The following CLTB variants were observed in gnomAD, a reference collection of about 807,000 sequenced individuals.
The protein encoded by CLTB is clathrin light chain B, also known as clathrin, light chain (Lcb).
A neutral mutation model predicts 30.5 loss-of-function variants in CLTB; 10 were observed. The observed-to-expected ratio is 0.33, with a 90% CI of 0.20 to 0.56. The LOEUF (loss-of-function observed/expected upper bound fraction) is 0.56. CLTB is among the 20% of genes least tolerant of loss of function. The probability of loss-of-function intolerance (pLI) is 0.91; values close to 1 mark genes in which losing one functional copy is unlikely to be tolerated. For missense variants in CLTB, 261 were observed against 308.3 expected (o/e 0.85, Z 1.15); for synonymous variants, 102 against 120.3 (o/e 0.85, Z 1.00).
intron 2 of CLTB, among the ~76,000 whole-genome samples, chr5:176,404,399 C>T (rs1294984348): frequency 6.6e-6 from 1 of 152,210 alleles, no homozygotes; most frequent in African/African-American, 2.4e-5. Flanking sequence ...CTTTTTTCCA[C>T]AGCCCTTTGG....
Position 176,394,824 on chromosome 5 carries a change from A to G in CLTB, c.518+1655T>C, listed in dbSNP as rs1028848025. On this transcript the variant is annotated intron_variant, in intron 5 of 5. Coordinates refer to ENST00000310418, the MANE Select transcript of CLTB (RefSeq NM_007097.5). The stretch of plus-strand genomic sequence containing the variant: ...AGCAAGACTCCGTCTTAAAAAAAAA[A>G]AAAAGTTTGAGAAGCCCTGGTCTAT... Among the ~76,000 whole-genome samples the G allele has an allele frequency of 2.4e-4, 36 of 152,100 alleles. 1 individual carries two copies. The highest frequency in any genetic ancestry group is 2.2e-3 in the Admixed American group (34 of 15,282).
chr5:176,392,741 C>T lies in CLTB; in HGVS notation c.*33G>A. The T allele has an allele frequency of 6.2e-7, 1 of 1,610,814 alleles. No homozygotes were observed. Among genetic ancestry groups the T allele is most frequent in the Non-Finnish European group, 8.5e-7 (1 of 1,178,316 alleles). ...CTGCTCCTCCTGTGCCCAGGCCCAG[C>T]CCATGCTCTGTGGCCATGCACCTAG... On this transcript the variant is annotated 3_prime_UTR_variant, in exon 6 of 6. Coordinates refer to ENST00000310418, the MANE Select transcript of CLTB (RefSeq NM_007097.5). This position sits in a 1 kb window ranked among gnomAD's most constrained non-coding sequence, Gnocchi z 5.2.
chr5:176,394,597 C>G (rs185113496), intron 5 of CLTB, among the ~76,000 whole-genome samples: 1 of 147,762 alleles, frequency 6.8e-6, no homozygotes, highest in East Asian at 1.9e-4. Flanking sequence ...GTGGGCGGAT[C>G]ACGAGGTCAG....
chr5:176,408,996 G>C (rs1757282751), intron 2 of CLTB, among the ~76,000 whole-genome samples: 2 of 151,984 alleles, frequency 1.3e-5, no homozygotes, highest in African/African-American at 4.8e-5. Context: ...ATTTTTTTGA[G>C]ATAGAGTTTT....
chr5:176,407,336 C>T (rs143747865), intron 2 of CLTB, among the ~76,000 whole-genome samples: 1,923 of 152,288 alleles, frequency 0.013, 31 homozygotes, highest in African/African-American at 0.044. Context: ...GACAAAGTCT[C>T]GCTCTGTCGT....
intron 2 of CLTB, among the ~76,000 whole-genome samples, chr5:176,404,928 T>C (rs1448144737): frequency 6.6e-6 from 1 of 152,204 alleles, no homozygotes; most frequent in African/African-American, 2.4e-5. Flanking sequence ...GTGCAGGCTC[T>C]GGCGCCTGAT....
chr5:176,398,436 G>A (rs1450195151), intron 2 of CLTB, among the ~76,000 whole-genome samples: 1 of 152,152 alleles, frequency 6.6e-6, no homozygotes, highest in Non-Finnish European at 1.5e-5. Context: ...AGAATGTCGG[G>A]CGCAGTGGCT....
At position 176,397,684 on chromosome 5, in the gene CLTB, C is replaced by G. The variant is rs746439828; in HGVS notation, c.387G>C (p.Arg129=). Residue 129 remains arginine (R), a synonymous_variant, in exon 4 of 6, where the codon CGG becomes CGC. Transcript: ENST00000310418. ...AASKVTEQEW[R]EKAKKDLEEW... is the part of the protein sequence containing the mutation. ...CCTCCAGGTCCTTCTTGGCCTTCTC[C>G]CGCCATTCCTGTTCCGTGACCTTAG... 2.5e-6 allele frequency: 4 copies of G among 1,613,758 alleles called. No homozygotes were observed. The East Asian group carries it at 6.7e-5, about 27-fold the overall frequency.
chr5:176,416,427 C>A lies in CLTB; in HGVS notation c.-64G>T. 1 of 1,339,552 alleles carries A rather than the reference C, an allele frequency of 7.5e-7. No homozygotes were observed. Among genetic ancestry groups the A allele is most frequent in the Non-Finnish European group, 9.6e-7 (1 of 1,038,666 alleles). 83.0% of individuals were successfully genotyped at this position (1,339,552 alleles called of 1,614,324 possible). A position where few individuals can be genotyped will look rare whatever the true frequency, so the allele number is the denominator to read the frequency against. ...CTCTGCCCGCGCCTGCCCCGCGCTGCGTCCGGCGGCCGCGACGCTGTCACC... is the reference window on the plus strand; with the variant it reads ...CTCTGCCCGCGCCTGCCCCGCGCTGAGTCCGGCGGCCGCGACGCTGTCACC... On this transcript the variant is annotated 5_prime_UTR_variant, in exon 1 of 6. Transcript: ENST00000310418.
At chr5:176,408,858 G>A (rs1461011137) in intron 2 of CLTB, among the ~76,000 whole-genome samples, 2 of 152,202 alleles carry the variant, frequency 1.3e-5, no homozygotes, top group Non-Finnish European at 2.9e-5. Flanking sequence ...AACACTTAAA[G>A]AATTTGTAAA....
intron 5 of CLTB, among the ~76,000 whole-genome samples, chr5:176,394,584 A>T (rs542676272): frequency 1.3e-5 from 2 of 149,834 alleles, no homozygotes; most frequent in Non-Finnish European, 2.9e-5. Context: ...TTGGGAGGCC[A>T]AGGTGGGCGG....
chr5:176,392,733 A>G lies in CLTB; in HGVS notation c.*41T>C, dbSNP rs746961496. ...CAAAGCAGCTGCTCCTCCTGTGCCC[A>G]GGCCCAGCCCATGCTCTGTGGCCAT... On this transcript the variant is annotated 3_prime_UTR_variant, in exon 6 of 6. Transcript: ENST00000310418. The surrounding 1 kb of genome is among the most constrained non-coding windows in gnomAD (Gnocchi z 5.2). The G allele has an allele frequency of 2.5e-6, 4 of 1,605,464 alleles. No homozygotes were observed. The highest frequency in any genetic ancestry group is 1.3e-5 in the African/African-American group (1 of 74,884).
intron 4 of CLTB, 98 bp downstream of exon 4, chr5:176,397,509 A>T: frequency 1.1e-5 from 1 of 89,386 alleles, no homozygotes; most frequent in Non-Finnish European, 1.7e-5. Context: ...CCACCCCTTC[A>T]TGTCCCCATG....
intron 2 of CLTB, among the ~76,000 whole-genome samples, chr5:176,408,085 G>A (rs1757224222): frequency 1.3e-5 from 2 of 152,106 alleles, no homozygotes. Flanking sequence ...CTGGGGGGCC[G>A]AGGTGAGGAC....
chr5:176,405,060 A>G (rs1382754085), intron 2 of CLTB, among the ~76,000 whole-genome samples: 1 of 152,254 alleles, frequency 6.6e-6, no homozygotes, highest in Non-Finnish European at 1.5e-5. Context: ...AGGGAGATCA[A>G]GCACGTAAAG....
rs139824597 is a variant in CLTB, at chr5:176,397,106, C to T, written c.464+501G>A. 2.1e-3 allele frequency among the ~76,000 whole-genome samples: 316 copies of T among 152,258 alleles called. 1 individual carries two copies. The highest frequency in any genetic ancestry group is 6.8e-3 in the African/African-American group (282 of 41,536). On this transcript the variant is annotated intron_variant, in intron 4 of 5. Coordinates refer to ENST00000310418, the MANE Select transcript of CLTB (RefSeq NM_007097.5). ...TGAACATGTGTGTTTTTCTCCTCTG[C>T]GCCCTTTGAGGACATAAGGCTGGGT... is the stretch of plus-strand genomic sequence containing the variant.
intron 1 of CLTB, among the ~76,000 whole-genome samples, chr5:176,414,240 C>G (rs1407726110): frequency 2.0e-5 from 3 of 152,136 alleles, no homozygotes; most frequent in Non-Finnish European, 2.9e-5. Flanking sequence ...GAGGTGTGGT[C>G]CAGTGAATAC....
At chr5:176,396,221 C>T (rs1756514981) in intron 5 of CLTB, among the ~76,000 whole-genome samples, 1 of 152,124 alleles carries the variant, frequency 6.6e-6, no homozygotes, top group South Asian at 2.1e-4. Flanking sequence ...TTTGCCCCTC[C>T]CACATGGGAA....
intron 2 of CLTB, among the ~76,000 whole-genome samples, chr5:176,403,833 C>T (rs756507989): frequency 2.6e-5 from 4 of 152,188 alleles, no homozygotes; most frequent in African/African-American, 4.8e-5. Context: ...GATCTCTGCT[C>T]GCTGAAACCT....
Sources: gnomAD v4.1 joint callset for allele counts (sites outside exome capture counted in the v4.1 genomes callset) on GRCh38, gnomAD v4.1.1 for gene constraint, Gnocchi (gnomAD v3.1) non-coding constraint, MANE v1.5 for transcripts, NCBI Gene and HGNC (gene_info 2026-07-23, HGNC 2026-07-21) for gene names.